The following GOLGA8H variants were observed in gnomAD, a reference collection of about 807,000 sequenced individuals.
GOLGA8H encodes the protein golgin A8 family member H.
A neutral mutation model predicts 82.7 loss-of-function variants in GOLGA8H; 47 were observed. The ratio of observed to expected loss-of-function variants is 0.57; its 90% confidence interval spans 0.45 to 0.73. The LOEUF is 0.73. Ranked by LOEUF, GOLGA8H falls within the 30% of genes least tolerant of loss-of-function variation. GOLGA8H has a pLI of 0.00. For missense variants in GOLGA8H, 372 were observed against 661.0 expected, an observed-to-expected ratio of 0.56 and a Z score of 4.79; for synonymous variants, 108 against 241.6, an observed-to-expected ratio of 0.45 and a Z score of 5.13.
At chr15:30,611,550 G>A (rs1335741985) in intron 13 of GOLGA8H, among the ~76,000 whole-genome samples, 1 of 151,026 alleles carries the variant, frequency 6.6e-6, no homozygotes, top group African/African-American at 2.5e-5. Flanking sequence ...TCTCAGGTCT[G>A]GACATCATCA....
rs761279446 is a variant in GOLGA8H, at chr15:30,608,795, C to T, written c.591+39C>T. The T allele has an allele frequency of 2.0e-4, 269 of 1,376,342 alleles. 3 individuals are homozygous for T. The highest frequency in any genetic ancestry group is 6.6e-4 in the African/African-American group (45 of 67,710). 85.3% of individuals were successfully genotyped at this position (1,376,342 alleles called of 1,614,324 possible). A position where few individuals can be genotyped will look rare whatever the true frequency, so the allele number is the denominator to read the frequency against. On this transcript the variant is annotated intron_variant, in intron 8 of 18. Transcript: ENST00000566740. ...CCTGCCCCATCCCCTGGGAGCCTGG[C>T]TTTGCAGATGGAGGAGTGAGCCTAA...
At chr15:30,611,491 T>A (rs1273285893) in intron 13 of GOLGA8H, 145 bp downstream of exon 13, 1 of 1,521,574 alleles carries the variant, frequency 6.6e-7, no homozygotes, top group African/African-American at 1.4e-5. Context: ...CCTGTGACTG[T>A]TTCTTGCTTC....
rs748352661 is a variant in GOLGA8H at position 30,614,576 on chromosome 15, A to G, written c.*15A>G. The G allele has an allele frequency of 5.0e-6, 8 of 1,597,270 alleles. No individual in the cohort carries two copies. The South Asian group carries it at 7.7e-5, about 15-fold the overall frequency. On this transcript the variant is annotated 3_prime_UTR_variant, in exon 19 of 19. Transcript: ENST00000566740. ...GAAGGAGATAAACATCACCATCCTC[A>G]AAGAGCTGCTCAAGAAATTTTTAAA... is the stretch of plus-strand genomic sequence containing the variant.
chr15:30,610,530 T>C (rs2060002394), intron 11 of GOLGA8H, 141 bp downstream of exon 11: 2 of 764,760 alleles, frequency 2.6e-6, no homozygotes, highest in Non-Finnish European at 4.2e-6. Flanking sequence ...ACGGCGAGTC[T>C]TGTCATCTCA....
chr15:30,610,497 G>A, intron 11 of GOLGA8H, 108 bp downstream of exon 11: 1 of 600,756 alleles, frequency 1.7e-6, no homozygotes, highest in Non-Finnish European at 2.9e-6. Flanking sequence ...TTGAGGCAGA[G>A]GGAAAGAGAT....
chr15:30,610,182 G>A (rs2059996003), intron 10 of GOLGA8H, 76 bp downstream of exon 10: 1 of 1,593,096 alleles, frequency 6.3e-7, no homozygotes, highest in African/African-American at 1.4e-5. Flanking sequence ...AATGGGAATA[G>A]TAGAGCCAGA....
At chr15:30,604,270 G>A in intron 1 of GOLGA8H, 97 bp downstream of exon 1, 2 of 1,491,164 alleles carry the variant, frequency 1.3e-6, no homozygotes, top group South Asian at 1.2e-5. Flanking sequence ...GAGGCACACT[G>A]GACTGGTCCC....
In GOLGA8H at chr15:30,615,256, T is replaced by G. The variant is rs1052000447; in HGVS notation, c.*695T>G. On this transcript the variant is annotated 3_prime_UTR_variant, in exon 19 of 19. Coordinates refer to ENST00000566740, the MANE Select transcript of GOLGA8H (RefSeq NM_001282490.2). ...GCAGGATAGAGTGTGTTTCATCTGT[T>G]CCGGTGCCAGGAATTAGCAGTGTAT... Among the ~76,000 whole-genome samples, 1 of 151,854 alleles carries G rather than the reference T, an allele frequency of 6.6e-6. No individual in the cohort carries two copies. The highest frequency in any genetic ancestry group is 2.4e-5 in the African/African-American group (1 of 41,446).
At chr15:30,609,037 G>A (rs1197689949) in intron 8 of GOLGA8H, among the ~76,000 whole-genome samples, 1 of 134,348 alleles carries the variant, frequency 7.4e-6, no homozygotes, top group South Asian at 2.2e-4. Context: ...CCTAGGTGGG[G>A]TATTGGGTAC....
In GOLGA8H at chr15:30,611,006, G is replaced by A; in HGVS notation, c.1115G>A (p.Ser372Asn). ...KSLQQLAKPQ[S>N]VFEEPNNENK... ...CTTCAGCAGCTGGCCAAGCCACAGA[G>A]CGTCTTCGAGGAGCCGGTGCGTTGC... is the stretch of plus-strand genomic sequence containing the variant. The change falls in exon 12 of 19, where the codon AGC (serine) becomes AAC (asparagine). Residue 372 changes from serine to asparagine, a missense_variant. Transcript: ENST00000566740. 1.8e-6 allele frequency: 1 copy of A among 549,260 alleles called. No individual in the cohort carries two copies. The highest frequency in any genetic ancestry group is 2.1e-5 in the South Asian group (1 of 48,268). 34.0% of individuals were successfully genotyped at this position (549,260 alleles called of 1,614,324 possible).
At position 30,615,024 on chromosome 15, in the gene GOLGA8H, TCAA is replaced by T. The variant is rs1442036762; in HGVS notation, c.*464_*466del. On this transcript the variant is annotated 3_prime_UTR_variant, in exon 19 of 19. Transcript: ENST00000566740. Reference sequence around the variant, plus strand: ...TAATCACAGTGAGCTCTTCATTAGCTCAATATGTAGTTTGCCCCCAAGTGTGCA... The same window carrying T: ...TAATCACAGTGAGCTCTTCATTAGCTTATGTAGTTTGCCCCCAAGTGTGCA... 6.6e-6 allele frequency among the ~76,000 whole-genome samples: 1 copy of T among 151,804 alleles called. No individual in the cohort carries two copies. Among genetic ancestry groups the T allele is most frequent in the Non-Finnish European group, 1.5e-5 (1 of 67,912 alleles).
rs1021380645 is a variant in GOLGA8H, at chr15:30,606,213, A to G, written c.168+251A>G. Among the ~76,000 whole-genome samples the G allele has an allele frequency of 2.0e-5, 3 of 151,460 alleles. No individual in the cohort carries two copies. In the South Asian group the frequency reaches 6.2e-4, roughly 32 times the overall value. Reference sequence around the variant, plus strand: ...ACTAAAAATACAAAAACATTAGCCAAGCGTGGTGGCGTGTGCCTGTAGTCC... The same window carrying G: ...ACTAAAAATACAAAAACATTAGCCAGGCGTGGTGGCGTGTGCCTGTAGTCC... On this transcript the variant is annotated intron_variant, in intron 2 of 18. Coordinates refer to ENST00000566740, the MANE Select transcript of GOLGA8H (RefSeq NM_001282490.2).
intron 11 of GOLGA8H, 143 bp downstream of exon 11, chr15:30,610,532 G>C: frequency 3.8e-6 from 3 of 790,726 alleles, no homozygotes; most frequent in Non-Finnish European, 6.1e-6. Context: ...GGCGAGTCTT[G>C]TCATCTCAAT....
At chr15:30,606,264 A>G (rs1171916724) in intron 2 of GOLGA8H, among the ~76,000 whole-genome samples, 1 of 151,362 alleles carries the variant, frequency 6.6e-6, no homozygotes, top group Non-Finnish European at 1.5e-5. Flanking sequence ...CTGAGGCAAG[A>G]GAATGGTGTG....
Position 30,607,664 on chromosome 15 carries a change from T to A in GOLGA8H, c.310-366T>A, listed in dbSNP as rs969133216. ...TGTCTGTCCTTTTCCATCCTATATC[T>A]GCTGTAAAGAACCGTACCTGGTCCA... On this transcript the variant is annotated intron_variant, in intron 4 of 18. Coordinates refer to ENST00000566740, the MANE Select transcript of GOLGA8H (RefSeq NM_001282490.2). The A allele has an allele frequency of 3.9e-6, 2 of 512,176 alleles. 1 individual carries two copies. The highest frequency in any genetic ancestry group is 3.9e-5 in the African/African-American group (2 of 51,092). The allele number at this position is 512,176 out of a possible 1,614,324, so 31.7% of individuals were successfully genotyped here. A position where few individuals can be genotyped will look rare whatever the true frequency, so the allele number is the denominator to read the frequency against.
chr15:30,605,137 C>G (rs1485909156), intron 1 of GOLGA8H, among the ~76,000 whole-genome samples: 156 of 138,288 alleles, frequency 1.1e-3, no homozygotes, highest in Middle Eastern at 3.7e-3. Context: ...TCTGAAGTGA[C>G]ATTTGCTCAT....
intron 13 of GOLGA8H, among the ~76,000 whole-genome samples, chr15:30,611,551 G>A (rs534141601): frequency 7.3e-5 from 11 of 151,136 alleles, no homozygotes; most frequent in Non-Finnish European, 1.3e-4. Context: ...CTCAGGTCTG[G>A]ACATCATCAT....
chr15:30,608,547 T>G lies in GOLGA8H; in HGVS notation c.477T>G (p.Phe159Leu). The G allele has an allele frequency of 1.9e-6, 3 of 1,610,272 alleles. No homozygotes were observed. The highest frequency in any genetic ancestry group is 2.2e-5 in the East Asian group (1 of 44,780). Residue 159 changes from phenylalanine (F) to leucine (L), a missense_variant, in exon 7 of 19, where the codon TTT becomes TTG. Phe to Leu is a conservative substitution (Grantham distance 22). Transcript: ENST00000566740. ...ACATGAAACGTTCTCTCAGATACTT[T>G]GAAGGTGGGAATCTGGGCACCCTGT... Reference protein sequence around the residue: ...LYHMKRSLRYFEEKSKDLAVC... With the variant: ...LYHMKRSLRYLEEKSKDLAVC...
At chr15:30,606,556 C>T (rs947531337) in intron 2 of GOLGA8H, among the ~76,000 whole-genome samples, 1 of 151,706 alleles carries the variant, frequency 6.6e-6, no homozygotes, top group Non-Finnish European at 1.5e-5. Context: ...TAGTACATGG[C>T]CTGCTGTAAA....
Sources: gnomAD v4.1 joint callset for allele counts (sites outside exome capture counted in the v4.1 genomes callset) on GRCh38, gnomAD v4.1.1 for gene constraint, MANE v1.5 for transcripts, NCBI Gene and HGNC (gene_info 2026-07-23, HGNC 2026-07-21) for gene names.